MIPEP: variants seen among roughly 807,000 people sequenced by gnomAD.
MIPEP encodes mitochondrial intermediate peptidase.
In MIPEP, 79 loss-of-function variants were observed where a neutral mutation model predicts 90.3. That is an observed-to-expected ratio of 0.87 (90% confidence interval 0.73 to 1.05). The LOEUF (loss-of-function observed/expected upper bound fraction) is 1.05. Among genes scored for constraint, MIPEP ranks in the 50% least tolerant of loss-of-function variants. The probability of loss-of-function intolerance (pLI) is 0.00; values close to 1 mark genes in which losing one functional copy is unlikely to be tolerated. For synonymous variants in MIPEP, 334 were observed against 315.8 expected, an observed-to-expected ratio of 1.06 and a Z score of -0.61; for missense variants, 940 against 905.6, an observed-to-expected ratio of 1.04 and a Z score of -0.49.
At position 23,857,010 on chromosome 13, in the gene MIPEP, C is replaced by T. The variant is rs113709656; in HGVS notation, c.1106+1850G>A. ...TTCTAAAAATTAGAATATTTAATAT[C>T]AAATATATTTAATTTACATTACTCT... On this transcript the variant is annotated intron_variant, in intron 10 of 18. Transcript: ENST00000382172. 6.1e-3 allele frequency among the ~76,000 whole-genome samples: 920 copies of T among 151,546 alleles called. 6 individuals are homozygous for T. Among genetic ancestry groups the T allele is most frequent in the African/African-American group, 0.021 (886 of 41,396 alleles).
chr13:23,746,266 A>G (rs1300076600), intron 18 of MIPEP, among the ~76,000 whole-genome samples: 2 of 151,472 alleles, frequency 1.3e-5, no homozygotes, highest in Non-Finnish European at 2.9e-5. Context: ...CACCCATCTC[A>G]GCCTCCCAAA....
intron 17 of MIPEP, among the ~76,000 whole-genome samples, chr13:23,757,126 T>C (rs1458652542): frequency 1.3e-4 from 20 of 152,140 alleles, no homozygotes; most frequent in Admixed American, 1.3e-3. Context: ...GAGCTTGTTT[T>C]TCTACAACTA....
intron 14 of MIPEP, among the ~76,000 whole-genome samples, chr13:23,828,022 A>C (rs765139609): frequency 3.9e-5 from 6 of 152,246 alleles, no homozygotes; most frequent in Non-Finnish European, 7.3e-5. Flanking sequence ...CTTAATCCTG[A>C]AATGCAAAGG....
chr13:23,787,399 G>C, intron 16 of MIPEP, among the ~76,000 whole-genome samples: 1 of 26,462 alleles, frequency 3.8e-5, no homozygotes, highest in Admixed American at 7.3e-4. Flanking sequence ...CAAGAGACGG[G>C]GAGAGGGAGA....
intron 14 of MIPEP, among the ~76,000 whole-genome samples, chr13:23,810,628 G>A (rs1593167719): frequency 1.3e-5 from 2 of 152,248 alleles, no homozygotes; most frequent in Non-Finnish European, 2.9e-5. Context: ...GAAAGATACC[G>A]ATTTACAACC....
rs576679607 is a variant in MIPEP at position 23,814,398 on chromosome 13, A to C, written c.1654-4474T>G. Reference sequence around the variant, plus strand: ...CAGCCTCCCGAGTAGAGTAGCTGGGACTACAGGCGCCCGCCACCACGCCTG... The same window carrying C: ...CAGCCTCCCGAGTAGAGTAGCTGGGCCTACAGGCGCCCGCCACCACGCCTG... On this transcript the variant is annotated intron_variant, in intron 14 of 18. Coordinates refer to ENST00000382172, the MANE Select transcript of MIPEP (RefSeq NM_005932.4). 3.8e-4 allele frequency among the ~76,000 whole-genome samples: 58 copies of C among 152,232 alleles called. 1 individual carries two copies. Among genetic ancestry groups the C allele is most frequent in the African/African-American group, 1.3e-3 (54 of 41,524 alleles).
chr13:23,774,482 T>C (rs182761748), intron 16 of MIPEP, among the ~76,000 whole-genome samples: 2 of 152,354 alleles, frequency 1.3e-5, no homozygotes, highest in Middle Eastern at 3.4e-3. Flanking sequence ...GTTAAATCTG[T>C]AGGTCAATTT....
intron 4 of MIPEP, 32 bp from the exon 5 acceptor site, chr13:23,874,941 G>T (rs1871000429): frequency 6.5e-7 from 1 of 1,541,764 alleles, no homozygotes; most frequent in Non-Finnish European, 8.7e-7. Context: ...GGTTATAACA[G>T]GTAATAAAAA....
At chr13:23,730,549 A>G in intron 18 of MIPEP, 104 bp from the exon 19 acceptor site, 1 of 740,878 alleles carries the variant, frequency 1.3e-6, no homozygotes, top group Non-Finnish European at 2.4e-6. Context: ...TGGCTTTCTG[A>G]ATTAAGACTC....
intron 3 of MIPEP, among the ~76,000 whole-genome samples, chr13:23,880,264 C>T (rs1422821088): frequency 2.0e-5 from 3 of 152,170 alleles, no homozygotes; most frequent in Non-Finnish European, 4.4e-5. Flanking sequence ...AAAACACTCA[C>T]CAAGAAGGGC....
intron 14 of MIPEP, among the ~76,000 whole-genome samples, chr13:23,816,645 T>C (rs1366483891): frequency 6.6e-6 from 1 of 152,184 alleles, no homozygotes; most frequent in Non-Finnish European, 1.5e-5. Context: ...GTTATTCTAG[T>C]TGTTAGTTAT....
intron 14 of MIPEP, among the ~76,000 whole-genome samples, chr13:23,835,514 C>T (rs1868995492): frequency 6.6e-6 from 1 of 152,064 alleles, no homozygotes; most frequent in African/African-American, 2.4e-5. Context: ...TAAGTATTCA[C>T]AGATGAATAC....
rs1172108646 is a variant in MIPEP at position 23,874,846 on chromosome 13, CT to C, written c.602del (p.Lys201SerfsTer15). ...EISGIHLDKEKRKRAVDLNVK... is the reference protein window; with the variant it reads ...EISGIHLDKEXRKRAVDLNVK... ...TCAAAAAAACAGCAGAAAGATGTACCTTTTCTTTGTCTAGATGGATTCCACT... is the reference window on the plus strand; with the variant it reads ...TCAAAAAAACAGCAGAAAGATGTACCTTTCTTTGTCTAGATGGATTCCACT... On this transcript the variant is annotated frameshift_variant and splice_region_variant, in exon 5 of 19. Coordinates refer to ENST00000382172, the MANE Select transcript of MIPEP (RefSeq NM_005932.4). LOFTEE classifies it high-confidence loss of function. 6.3e-7 allele frequency: 1 copy of C among 1,585,754 alleles called. No homozygotes were observed. The highest frequency in any genetic ancestry group is 8.5e-7 in the Non-Finnish European group (1 of 1,170,852).
chr13:23,822,592 A>C (rs922232488), intron 14 of MIPEP, among the ~76,000 whole-genome samples: 4 of 152,240 alleles, frequency 2.6e-5, no homozygotes, highest in African/African-American at 9.6e-5. Context: ...GGTCCCCTTA[A>C]AGGACACTAG....
chr13:23,730,683 C>A (rs1006826518), intron 18 of MIPEP, among the ~76,000 whole-genome samples: 3 of 152,056 alleles, frequency 2.0e-5, no homozygotes, highest in Admixed American at 1.3e-4. Flanking sequence ...AGATTTAGGC[C>A]TAAATATATT....
At chr13:23,803,090 G>A (rs1035828363) in intron 16 of MIPEP, among the ~76,000 whole-genome samples, 4 of 152,098 alleles carry the variant, frequency 2.6e-5, no homozygotes, top group East Asian at 1.9e-4. Context: ...ATGGCCAGGC[G>A]CGGTGGCTCA....
chr13:23,859,606 T>C, intron 9 of MIPEP, among the ~76,000 whole-genome samples: 1 of 152,180 alleles, frequency 6.6e-6, no homozygotes, highest in Non-Finnish European at 1.5e-5. Context: ...ATAAACTGCA[T>C]GATGACAGGG....
intron 6 of MIPEP, 27 bp downstream of exon 6, chr13:23,869,986 A>C (rs1193908531): frequency 6.6e-7 from 1 of 1,519,700 alleles, no homozygotes; most frequent in Admixed American, 1.9e-5. Flanking sequence ...TGGGACCTAA[A>C]CAACAAAGAG....
intron 16 of MIPEP, among the ~76,000 whole-genome samples, chr13:23,763,525 T>C (rs752150019): frequency 3.3e-5 from 5 of 152,212 alleles, no homozygotes; most frequent in Non-Finnish European, 5.9e-5. Flanking sequence ...CTTTGTTTTA[T>C]CTTGAAAGCA....
Sources: allele counts gnomAD v4.1 joint callset (sites outside exome capture counted in the v4.1 genomes callset), GRCh38; gene constraint gnomAD v4.1.1; transcripts MANE v1.5; gene names NCBI Gene and HGNC (gene_info 2026-07-23, HGNC 2026-07-21).